CTNNA3: variants seen among roughly 807,000 people sequenced by gnomAD.
CTNNA3 encodes catenin alpha 3.
Under a neutral mutation model 95.7 loss-of-function variants are expected in CTNNA3, and 76 were observed. That is an observed-to-expected ratio of 0.79 (90% CI 0.66 to 0.96). The LOEUF is 0.96. CTNNA3 is among the 40% of genes least tolerant of loss of function. The pLI is 0.00. For synonymous variants in CTNNA3, 431 were observed against 374.4 expected, an observed-to-expected ratio of 1.15 and a Z score of -1.74; for missense variants, 1,191 against 1,089.8, an observed-to-expected ratio of 1.09 and a Z score of -1.31.
rs57895905 is a variant in CTNNA3 at position 66,714,856 on chromosome 10, C to A, written c.1281+51408G>T. Among the ~76,000 whole-genome samples, 406 of 152,252 alleles carry A rather than the reference C, an allele frequency of 2.7e-3. 11 individuals carry two copies. The East Asian group carries it at 0.054, about 20-fold the overall frequency. On this transcript the variant is annotated intron_variant, in intron 9 of 17. Transcript: ENST00000433211. ...CATGTCATTTGCTTGCTTAAAACTT[C>A]TTTAATGAGTCTCTTCTGAAGGATA... is the stretch of plus-strand genomic sequence containing the variant.
chr10:65,960,302 C>T (rs1387386412), intron 17 of CTNNA3, among the ~76,000 whole-genome samples: 2 of 151,650 alleles, frequency 1.3e-5, no homozygotes, highest in East Asian at 1.9e-4. Flanking sequence ...TTTGGGAGGC[C>T]GAGGTGGGTG....
chr10:67,279,774 A>G (rs1354419825), intron 5 of CTNNA3, among the ~76,000 whole-genome samples: 1 of 150,304 alleles, frequency 6.7e-6, no homozygotes, highest in Non-Finnish European at 1.5e-5. Flanking sequence ...AAAGCCACCC[A>G]GCTAGTTCCA....
chr10:66,664,510 C>T (rs1205771343), intron 9 of CTNNA3, among the ~76,000 whole-genome samples: 2 of 152,026 alleles, frequency 1.3e-5, no homozygotes, highest in Non-Finnish European at 2.9e-5. Flanking sequence ...TTGGATGAAG[C>T]TAGCCTAGTA....
intron 12 of CTNNA3, among the ~76,000 whole-genome samples, chr10:66,355,466 C>A (rs913224540): frequency 4.6e-5 from 7 of 151,988 alleles, no homozygotes; most frequent in African/African-American, 1.7e-4. Flanking sequence ...TCCCTCTAAC[C>A]CTTGAGAACA....
chr10:66,426,769 C>T (rs1434885091), intron 11 of CTNNA3, among the ~76,000 whole-genome samples: 2 of 151,340 alleles, frequency 1.3e-5, no homozygotes, highest in Non-Finnish European at 2.9e-5. Flanking sequence ...AAAGATCATC[C>T]CACTCTTCAA....
chr10:67,016,079 C>T (rs569568060), intron 7 of CTNNA3, among the ~76,000 whole-genome samples: 9 of 151,990 alleles, frequency 5.9e-5, no homozygotes, highest in African/African-American at 2.2e-4. Context: ...TTTTAGAATA[C>T]GTATTTGTTG....
At chr10:67,760,639 G>A (rs74549427) in intron 1 of CTNNA3, among the ~76,000 whole-genome samples, 19,980 of 96,932 alleles carry the variant, frequency 0.21, 2,054 homozygotes, top group Middle Eastern at 0.31. Flanking sequence ...GTGAGCGGGT[G>A]AGAGAGTAAA....
At chr10:67,387,120 T>A (rs1158638126) in intron 5 of CTNNA3, among the ~76,000 whole-genome samples, 1 of 151,636 alleles carries the variant, frequency 6.6e-6, no homozygotes, top group Non-Finnish European at 1.5e-5. Flanking sequence ...AGAAGACGGG[T>A]GATTTCTGCA....
At chr10:67,595,154 G>T (rs1196920740) in intron 3 of CTNNA3, among the ~76,000 whole-genome samples, 1 of 151,982 alleles carries the variant, frequency 6.6e-6, no homozygotes, top group East Asian at 1.9e-4. Flanking sequence ...CTCTGATTTT[G>T]GTTATTTCTT....
In CTNNA3 at chr10:66,949,276, C is replaced by T. The variant is rs1047868874; in HGVS notation, c.1048-173752G>A. On this transcript the variant is annotated intron_variant, in intron 7 of 17. Coordinates refer to ENST00000433211, the MANE Select transcript of CTNNA3 (RefSeq NM_013266.4). ...CCCTTTAAAAATCACTATGGCCAGA[C>T]CAGGTGCTGTGGGCTCATGCCTGTA... Among the ~76,000 whole-genome samples, 3 of 151,942 alleles carry T rather than the reference C, an allele frequency of 2.0e-5. No individual in the cohort carries two copies. The East Asian group carries it at 5.8e-4, about 29-fold the overall frequency.
upstream of CTNNA3, among the ~76,000 whole-genome samples, chr10:67,699,890 G>C (rs893345438): frequency 3.3e-5 from 5 of 152,224 alleles, no homozygotes; most frequent in Non-Finnish European, 5.9e-5. Flanking sequence ...GGTGACAGAC[G>C]GCACCTGGAA....
At chr10:67,518,086 G>A (rs773868501) in intron 5 of CTNNA3, among the ~76,000 whole-genome samples, 76 of 152,180 alleles carry the variant, frequency 5.0e-4, no homozygotes, top group Middle Eastern at 3.4e-3. Flanking sequence ...ATTTAAGTTA[G>A]GGTTATTTTT....
At chr10:66,154,400 T>C (rs988828207) in intron 13 of CTNNA3, among the ~76,000 whole-genome samples, 30 of 151,850 alleles carry the variant, frequency 2.0e-4, no homozygotes, top group African/African-American at 5.8e-4. Context: ...ACAGGTCTTT[T>C]GGAATCTTAC....
At chr10:67,340,372 T>C (rs2132611731) in intron 5 of CTNNA3, among the ~76,000 whole-genome samples, 1 of 152,360 alleles carries the variant, frequency 6.6e-6, no homozygotes, top group African/African-American at 2.4e-5. Flanking sequence ...GTGAAATTTA[T>C]CTGGTCTTTC....
chr10:66,424,420 A>C (rs2093222151), intron 11 of CTNNA3, among the ~76,000 whole-genome samples: 1 of 152,058 alleles, frequency 6.6e-6, no homozygotes, highest in African/African-American at 2.4e-5. Context: ...GTTTTAAATT[A>C]AAAAGTTTAA....
At chr10:66,261,945 G>A (rs557091135) in intron 13 of CTNNA3, among the ~76,000 whole-genome samples, 1 of 152,016 alleles carries the variant, frequency 6.6e-6, no homozygotes, top group South Asian at 2.1e-4. Flanking sequence ...CAAACTACCT[G>A]GGGAGATGGA....
chr10:66,919,153 A>T (rs1846659336), intron 7 of CTNNA3, among the ~76,000 whole-genome samples: 1 of 151,544 alleles, frequency 6.6e-6, no homozygotes, highest in Non-Finnish European at 1.5e-5. Flanking sequence ...AAAAAAAAAA[A>T]AAGACATATG....
At chr10:66,213,311 C>T (rs558105559) in intron 13 of CTNNA3, among the ~76,000 whole-genome samples, 38 of 152,012 alleles carry the variant, frequency 2.5e-4, no homozygotes, top group African/African-American at 8.9e-4. Flanking sequence ...CATCATGTCC[C>T]ATTTAGTGTT....
At chr10:66,000,156 G>A (rs1589233182) in intron 15 of CTNNA3, among the ~76,000 whole-genome samples, 1 of 152,232 alleles carries the variant, frequency 6.6e-6, no homozygotes, top group East Asian at 1.9e-4. Flanking sequence ...CCCAGTGATG[G>A]TAATACCATG....
Sources: allele counts gnomAD v4.1 joint callset (sites outside exome capture counted in the v4.1 genomes callset), GRCh38; gene constraint gnomAD v4.1.1; transcripts MANE v1.5; gene names NCBI Gene and HGNC (gene_info 2026-07-23, HGNC 2026-07-21).